Variants in FBXW8 observed in about 807,000 individuals in gnomAD.
FBXW8 encodes F-box and WD repeat domain containing 8, also known as F-box/WD repeat-containing protein 8.
Under a neutral mutation model 65.3 loss-of-function variants are expected in FBXW8, and 57 were observed. The observed-to-expected ratio is 0.87, with a 90% CI of 0.71 to 1.09. The LOEUF (loss-of-function observed/expected upper bound fraction) is 1.09. FBXW8 is among the 50% of genes least tolerant of loss of function. The pLI, the probability that FBXW8 is intolerant of heterozygous loss-of-function variation, is 0.00. For synonymous variants in FBXW8, 308 were observed against 330.2 expected, an observed-to-expected ratio of 0.93 and a Z score of 0.73; for missense variants, 777 against 814.8, an observed-to-expected ratio of 0.95 and a Z score of 0.57.
chr12:117,018,025 T>TAAG (rs2135718100), intron 8 of FBXW8, among the ~76,000 whole-genome samples: 1 of 152,288 alleles, frequency 6.6e-6, no homozygotes, highest in African/African-American at 2.4e-5. Flanking sequence ...AGTGTTATAA[T>TAAG]AAGTTATTCA....
rs1167379025 is a variant in FBXW8, at chr12:116,911,151, G to C, written c.114G>C (p.Arg38=). The change falls in exon 1 of 11, where the codon CGG becomes CGC. Residue 38 remains arginine, a synonymous_variant. Coordinates refer to ENST00000652555, the MANE Select transcript of FBXW8 (RefSeq NM_153348.3). ...RPEAAERRAR[R]PEVGSGRGEQ... is the part of the protein sequence containing the mutation. ...AGGCTGCCGAGAGGCGGGCTCGGCG[G>C]CCGGAGGTGGGCTCCGGGCGCGGCG... 41 of 1,345,928 alleles carry C rather than the reference G, an allele frequency of 3.0e-5. No homozygotes were observed. The Middle Eastern group carries it at 7.9e-4, about 26-fold the overall frequency. 83.4% of individuals were successfully genotyped at this position (1,345,928 alleles called of 1,614,324 possible).
intron 2 of FBXW8, among the ~76,000 whole-genome samples, chr12:116,942,822 G>C (rs1240762900): frequency 7.7e-6 from 1 of 129,980 alleles, no homozygotes; most frequent in Non-Finnish European, 1.5e-5. Flanking sequence ...CTGTTGCCCA[G>C]GCCAGAGTGC....
chr12:116,955,846 G>A (rs577513296), intron 4 of FBXW8, among the ~76,000 whole-genome samples: 123 of 152,246 alleles, frequency 8.1e-4, no homozygotes, highest in Middle Eastern at 3.4e-3. Flanking sequence ...GCTAGGTGTC[G>A]TTTGCCATAA....
intron 4 of FBXW8, among the ~76,000 whole-genome samples, chr12:116,955,036 T>TG (rs11375815): frequency 0.6 from 77,129 of 128,510 alleles, 26,665 homozygotes; most frequent in Non-Finnish European, 0.77. Flanking sequence ...CCTCTTGAAA[T>TG]GGGGGGGGGG....
intron 4 of FBXW8, chr12:116,951,542 CT>C (rs1298006042): frequency 6.6e-6 from 1 of 152,174 alleles, no homozygotes; most frequent in East Asian, 1.9e-4. Flanking sequence ...CTTCCCTTTT[CT>C]CTTTCTTTTG....
At chr12:117,013,135 C>T (rs546959503) in intron 8 of FBXW8, among the ~76,000 whole-genome samples, 4 of 152,082 alleles carry the variant, frequency 2.6e-5, no homozygotes, top group African/African-American at 9.6e-5. Flanking sequence ...CCCAGCTACT[C>T]GGAGGCTGAG....
chr12:116,985,363 G>T lies in FBXW8; in HGVS notation c.993G>T (p.Gly331=), dbSNP rs1241383196. 5.6e-6 allele frequency: 9 copies of T among 1,613,136 alleles called. No individual in the cohort carries two copies. The highest frequency in any genetic ancestry group is 7.6e-6 in the Non-Finnish European group (9 of 1,179,840). The change falls in exon 6 of 11, where the codon GGG becomes GGT. Residue 331 remains glycine (G), a synonymous_variant. Coordinates refer to ENST00000652555, the MANE Select transcript of FBXW8 (RefSeq NM_153348.3). ...TGATGTTATCCCCCAATGAGGAGGGGTACTGGCAGATAGCTGCGGAATTTG... is the reference window on the plus strand; with the variant it reads ...TGATGTTATCCCCCAATGAGGAGGGTTACTGGCAGATAGCTGCGGAATTTG... ...DVVMLSPNEE[G]YWQIAAEFEV...
intron 5 of FBXW8, chr12:116,978,498 G>C (rs1160971088): frequency 1.3e-5 from 2 of 152,140 alleles, no homozygotes; most frequent in East Asian, 3.8e-4. Context: ...TTATTTACAT[G>C]GTAGAAATTG....
chr12:117,015,341 C>A (rs1470737153), intron 8 of FBXW8, among the ~76,000 whole-genome samples: 1 of 152,132 alleles, frequency 6.6e-6, no homozygotes, highest in Non-Finnish European at 1.5e-5. Flanking sequence ...ATAGGTTTTG[C>A]TGGCAGTCGG....
At chr12:117,011,616 C>G (rs983534517) in intron 8 of FBXW8, among the ~76,000 whole-genome samples, 1 of 152,072 alleles carries the variant, frequency 6.6e-6, no homozygotes, top group Non-Finnish European at 1.5e-5. Flanking sequence ...AGTTTTAATC[C>G]CGCATTTTAG....
chr12:117,021,213 A>G (rs1954085629), intron 8 of FBXW8, among the ~76,000 whole-genome samples: 1 of 152,174 alleles, frequency 6.6e-6, no homozygotes, highest in Non-Finnish European at 1.5e-5. Flanking sequence ...AATTTATCTG[A>G]TTACCAGCAA....
At chr12:116,985,632 G>A in intron 6 of FBXW8, 1 of 466,152 alleles carries the variant, frequency 2.1e-6, no homozygotes, top group South Asian at 3.5e-5. Flanking sequence ...AGTTCTCAGA[G>A]GTAAGAAGTT....
chr12:116,912,364 T>C (rs12580400), intron 1 of FBXW8, among the ~76,000 whole-genome samples: 1 of 151,738 alleles, frequency 6.6e-6, no homozygotes, highest in African/African-American at 2.4e-5. Flanking sequence ...ATTTTTTAAA[T>C]TTTTTGGTAG....
chr12:117,010,573 G>A (rs571152277), intron 8 of FBXW8, 123 bp downstream of exon 8: 17 of 1,308,792 alleles, frequency 1.3e-5, no homozygotes, highest in Middle Eastern at 5.1e-4. Flanking sequence ...GTTCAGCCCC[G>A]ATCCCATAAA....
At chr12:116,917,165 T>C (rs1389738088) in intron 1 of FBXW8, among the ~76,000 whole-genome samples, 1 of 152,226 alleles carries the variant, frequency 6.6e-6, no homozygotes, top group Admixed American at 6.5e-5. Flanking sequence ...GCCATCACTA[T>C]GTCAGTCTAC....
At chr12:116,923,161 G>T (rs974809001) in intron 1 of FBXW8, among the ~76,000 whole-genome samples, 1 of 152,102 alleles carries the variant, frequency 6.6e-6, no homozygotes, top group Non-Finnish European at 1.5e-5. Flanking sequence ...AGCCAGGATC[G>T]TGCCACTGCA....
At chr12:116,937,732 T>TC (rs1555217767) in intron 2 of FBXW8, among the ~76,000 whole-genome samples, 4 of 151,886 alleles carry the variant, frequency 2.6e-5, no homozygotes, top group African/African-American at 9.7e-5. Context: ...ATGTGGTGTG[T>TC]CCTCCCACAG....
intron 5 of FBXW8, among the ~76,000 whole-genome samples, chr12:116,967,023 C>T (rs1485004718): frequency 1.3e-5 from 2 of 151,542 alleles, no homozygotes; most frequent in East Asian, 3.9e-4. Context: ...AGTTAGAATT[C>T]AAACAGAGCA....
At chr12:116,996,370 C>G (rs1378118488) in intron 7 of FBXW8, among the ~76,000 whole-genome samples, 1 of 152,144 alleles carries the variant, frequency 6.6e-6, no homozygotes, top group Non-Finnish European at 1.5e-5. Flanking sequence ...GTTGCTCACA[C>G]TCATCACGAG....
Sources: gnomAD v4.1 joint callset for allele counts (sites outside exome capture counted in the v4.1 genomes callset) on GRCh38, gnomAD v4.1.1 for gene constraint, MANE v1.5 for transcripts, NCBI Gene and HGNC (gene_info 2026-07-23, HGNC 2026-07-21) for gene names.